The following VPS13B variants were observed in gnomAD, a reference collection of about 807,000 sequenced individuals.
The protein encoded by VPS13B is intermembrane lipid transfer protein VPS13B.
A neutral mutation model predicts 426.4 loss-of-function variants in VPS13B; 285 were observed. The observed-to-expected ratio is 0.67, with a 90% CI of 0.61 to 0.74. VPS13B has a LOEUF of 0.74. Among genes scored for constraint, VPS13B ranks in the 30% least tolerant of loss-of-function variants. The pLI is 0.00. For missense variants in VPS13B, 4,537 were observed against 4,782.6 expected, an observed-to-expected ratio of 0.95 and a Z score of 1.51; for synonymous variants, 1,676 against 1,676.4, an observed-to-expected ratio of 1.00 and a Z score of 0.01.
At chr8:99,552,724 T>C (rs1026639739) in intron 30 of VPS13B, among the ~76,000 whole-genome samples, 11 of 152,068 alleles carry the variant, frequency 7.2e-5, no homozygotes, top group Non-Finnish European at 1.5e-4. Flanking sequence ...TTACAAAAAA[T>C]ATTTGGAGAA....
intron 22 of VPS13B, among the ~76,000 whole-genome samples, chr8:99,439,916 C>T (rs916749032): frequency 5.3e-5 from 8 of 152,018 alleles, no homozygotes; most frequent in Admixed American, 5.2e-4. Context: ...TTTCAAATAG[C>T]ACATAAACTA....
At chr8:99,401,010 G>A (rs1033381080) in intron 21 of VPS13B, among the ~76,000 whole-genome samples, 1 of 152,146 alleles carries the variant, frequency 6.6e-6, no homozygotes, top group African/African-American at 2.4e-5. Context: ...TTAATACTTT[G>A]TTATAACAAC....
chr8:99,872,233 GA>G (rs368330426), intron 61 of VPS13B, among the ~76,000 whole-genome samples: 80 of 152,330 alleles, frequency 5.3e-4, no homozygotes, highest in African/African-American at 1.9e-3. Context: ...GGGGCATCAT[GA>G]AACAAGACTC....
chr8:99,114,678 A>G (rs941979909), intron 6 of VPS13B, among the ~76,000 whole-genome samples: 1 of 152,196 alleles, frequency 6.6e-6, no homozygotes, highest in Non-Finnish European at 1.5e-5. Flanking sequence ...AGTTTTTAAA[A>G]GCTTGTGCTC....
At chr8:99,847,783 G>C (rs1816056702) in intron 54 of VPS13B, among the ~76,000 whole-genome samples, 1 of 152,176 alleles carries the variant, frequency 6.6e-6, no homozygotes, top group Non-Finnish European at 1.5e-5. Flanking sequence ...ATAACTCTCT[G>C]GCTTTCTCCT....
At chr8:99,035,094 T>C (rs1010210364) in intron 2 of VPS13B, among the ~76,000 whole-genome samples, 1 of 148,114 alleles carries the variant, frequency 6.8e-6, no homozygotes, top group Non-Finnish European at 1.5e-5. Context: ...CTTGGCATGC[T>C]GAGGTGGGAG....
In VPS13B at chr8:99,548,072, C is replaced by T. The variant is rs1035529296; in HGVS notation, c.4746-8378C>T. On this transcript the variant is annotated intron_variant, in intron 30 of 61. Coordinates refer to ENST00000357162, the MANE Select transcript of VPS13B (RefSeq NM_152564.5). ...TTTACATTGTATTTTTTAAGGCAGA[C>T]GTTAACATTAGGCATTCTGGTCCTC... 3.9e-5 allele frequency among the ~76,000 whole-genome samples: 6 copies of T among 152,140 alleles called. 1 individual carries two copies. Among genetic ancestry groups the T allele is most frequent in the South Asian group, 2.1e-4 (1 of 4,816 alleles).
chr8:99,564,275 A>G (rs1825081638), intron 31 of VPS13B, among the ~76,000 whole-genome samples: 1 of 152,174 alleles, frequency 6.6e-6, no homozygotes, highest in African/African-American at 2.4e-5. Context: ...TAGGCATAAA[A>G]TCTTACCCAG....
chr8:99,442,954 G>A (rs1563732847), intron 23 of VPS13B, among the ~76,000 whole-genome samples: 1 of 152,050 alleles, frequency 6.6e-6, no homozygotes, highest in Non-Finnish European at 1.5e-5. Context: ...ATGATAAGTA[G>A]ATTGATCTTA....
intron 36 of VPS13B, among the ~76,000 whole-genome samples, chr8:99,714,076 T>G (rs953121168): frequency 2.7e-5 from 4 of 149,720 alleles, no homozygotes; most frequent in Admixed American, 6.7e-5. Context: ...GAGGCAGAGG[T>G]TGCAGTGAGC....
chr8:99,861,502 A>G (rs1385484866), intron 57 of VPS13B, among the ~76,000 whole-genome samples: 2 of 152,182 alleles, frequency 1.3e-5, no homozygotes, highest in African/African-American at 2.4e-5. Flanking sequence ...GGGTTTTGCC[A>G]TGTTGCCCAG....
chr8:99,493,930 T>C (rs1284822031), intron 25 of VPS13B, among the ~76,000 whole-genome samples: 1 of 152,002 alleles, frequency 6.6e-6, no homozygotes, highest in African/African-American at 2.4e-5. Context: ...CCAACACTGA[T>C]ATAGCTTTGT....
intron 23 of VPS13B, among the ~76,000 whole-genome samples, chr8:99,449,611 C>T (rs1209836599): frequency 6.6e-6 from 1 of 151,914 alleles, no homozygotes; most frequent in Admixed American, 6.6e-5. Context: ...TGGAAGCTAC[C>T]AATAGAAGGT....
chr8:99,604,505 T>G (rs1245759498), intron 33 of VPS13B, among the ~76,000 whole-genome samples: 1 of 142,372 alleles, frequency 7.0e-6, no homozygotes, highest in African/African-American at 2.6e-5. Flanking sequence ...GTTTTTTTTT[T>G]TTTTTTTTTT....
chr8:99,075,364 C>T (rs1588001135), intron 3 of VPS13B, among the ~76,000 whole-genome samples: 1 of 152,114 alleles, frequency 6.6e-6, no homozygotes, highest in Non-Finnish European at 1.5e-5. Flanking sequence ...ATGGTGAGAG[C>T]AGGAGCAAGA....
At chr8:99,683,124 C>T (rs923745865) in intron 35 of VPS13B, among the ~76,000 whole-genome samples, 2 of 152,066 alleles carry the variant, frequency 1.3e-5, no homozygotes, top group African/African-American at 4.8e-5. Flanking sequence ...TACCTTTCTC[C>T]ATTGAACTGT....
At chr8:99,679,647 C>T (rs1831077661) in intron 35 of VPS13B, among the ~76,000 whole-genome samples, 1 of 152,146 alleles carries the variant, frequency 6.6e-6, no homozygotes, top group African/African-American at 2.4e-5. Flanking sequence ...AGCATGTAGC[C>T]TGTTCCACTT....
At chr8:99,379,441 G>T (rs1588310760) in intron 19 of VPS13B, among the ~76,000 whole-genome samples, 1 of 151,904 alleles carries the variant, frequency 6.6e-6, no homozygotes, top group African/African-American at 2.4e-5. Flanking sequence ...AATTATTTTG[G>T]TGTTTATTTC....
intron 17 of VPS13B, among the ~76,000 whole-genome samples, chr8:99,255,546 A>G (rs2132934510): frequency 6.6e-6 from 1 of 152,310 alleles, no homozygotes; most frequent in Non-Finnish European, 1.5e-5. Context: ...GTGGAAGGGA[A>G]CATGCCTCCA....
Sources: allele counts gnomAD v4.1 joint callset (sites outside exome capture counted in the v4.1 genomes callset), GRCh38; gene constraint gnomAD v4.1.1; transcripts MANE v1.5; gene names NCBI Gene and HGNC (gene_info 2026-07-23, HGNC 2026-07-21).